The following NRXN3 variants were observed in gnomAD, a reference collection of about 807,000 sequenced individuals.
NRXN3 encodes the protein neurexin III.
NRXN3 carries 32 observed loss-of-function variants against 137.6 expected under a neutral mutation model. The ratio of observed to expected loss-of-function variants is 0.23; its 90% confidence interval spans 0.18 to 0.31. The LOEUF (loss-of-function observed/expected upper bound fraction) is 0.31. Among genes scored for constraint, NRXN3 ranks in the 10% least tolerant of loss-of-function variants. The probability of loss-of-function intolerance (pLI) is 1.00; values close to 1 mark genes in which losing one functional copy is unlikely to be tolerated. For missense variants in NRXN3, 1,574 were observed against 2,062.5 expected (o/e 0.76, Z 4.59); for synonymous variants, 798 against 784.5 (o/e 1.02, Z -0.29).
At chr14:79,151,401 A>T (rs548303427) in intron 15 of NRXN3, among the ~76,000 whole-genome samples, 1 of 152,186 alleles carries the variant, frequency 6.6e-6, no homozygotes, top group African/African-American at 2.4e-5. Context: ...CAAAAACCAT[A>T]GCAAGTATGG....
chr14:78,836,124 C>A (rs1250085782), intron 10 of NRXN3, among the ~76,000 whole-genome samples: 3 of 152,038 alleles, frequency 2.0e-5, no homozygotes, highest in African/African-American at 7.3e-5. Flanking sequence ...TCATCTAAAA[C>A]CCATAAATAT....
At chr14:78,806,062 T>TTTTC (rs1555504287) in intron 9 of NRXN3, among the ~76,000 whole-genome samples, 1 of 138,008 alleles carries the variant, frequency 7.2e-6, no homozygotes, top group African/African-American at 2.6e-5. Context: ...TTTTTTTTTT[T>TTTTC]CCCCTTTGGC....
chr14:78,305,122 A>G (rs2077230977), intron 4 of NRXN3, among the ~76,000 whole-genome samples: 1 of 152,156 alleles, frequency 6.6e-6, no homozygotes, highest in Non-Finnish European at 1.5e-5. Context: ...TCAGTTACCA[A>G]GAATCCTTCC....
chr14:79,364,656 A>G (rs900812775), intron 15 of NRXN3, among the ~76,000 whole-genome samples: 3 of 93,246 alleles, frequency 3.2e-5, no homozygotes, highest in Admixed American at 1.3e-4. Context: ...CAATGAATCA[A>G]TTAGGTAAAA....
rs2099418667 is a variant in NRXN3 at position 79,867,917 on chromosome 14, G to C, written c.*5953G>C. 6.6e-6 allele frequency: 1 copy of C among 151,422 alleles called. No homozygotes were observed. Among genetic ancestry groups the C allele is most frequent in the African/African-American group, 2.4e-5 (1 of 41,144 alleles). The allele number at this position is 151,422 out of a possible 1,614,324, so 9.4% of individuals were successfully genotyped here. On this transcript the variant is annotated 3_prime_UTR_variant, in exon 21 of 21. Coordinates refer to ENST00000335750, the MANE Select transcript of NRXN3 (RefSeq NM_001330195.2). ...TAAAAGCAATGCATGCTCAGATCTT[G>C]GGAGATGTATTAAATGAGTAGAGTG...
At chr14:79,775,553 G>GAAAA (rs749252781) in intron 19 of NRXN3, among the ~76,000 whole-genome samples, 4 of 69,014 alleles carry the variant, frequency 5.8e-5, no homozygotes, top group African/African-American at 1.5e-4. Flanking sequence ...GGCTCTAACC[G>GAAAA]AAAAAAAAAA....
At chr14:79,169,639 T>C (rs1423824611) in intron 15 of NRXN3, among the ~76,000 whole-genome samples, 1 of 152,166 alleles carries the variant, frequency 6.6e-6, no homozygotes, top group Non-Finnish European at 1.5e-5. Flanking sequence ...CATCTGGAAT[T>C]GAGTTCTGTA....
intron 4 of NRXN3, among the ~76,000 whole-genome samples, chr14:78,449,147 A>G (rs1030899919): frequency 1.3e-5 from 2 of 151,848 alleles, no homozygotes; most frequent in Non-Finnish European, 2.9e-5. Flanking sequence ...CAGGAACAGC[A>G]CCTCTCTCTG....
At chr14:78,276,025 T>C (rs976525203) in intron 2 of NRXN3, among the ~76,000 whole-genome samples, 1 of 152,180 alleles carries the variant, frequency 6.6e-6, no homozygotes, top group Non-Finnish European at 1.5e-5. Context: ...ATAATGTGTC[T>C]CTATTCCTAA....
intron 16 of NRXN3, among the ~76,000 whole-genome samples, chr14:79,507,256 T>G (rs1470127907): frequency 6.6e-6 from 1 of 152,216 alleles, no homozygotes; most frequent in Non-Finnish European, 1.5e-5. Context: ...GCTTTTCTTT[T>G]CAAGGCACTT....
chr14:79,567,944 A>G (rs893012935), intron 16 of NRXN3, among the ~76,000 whole-genome samples: 1 of 152,142 alleles, frequency 6.6e-6, no homozygotes, highest in Non-Finnish European at 1.5e-5. Context: ...AAATCACAGC[A>G]CTTAGGGGCT....
In NRXN3 at chr14:78,808,037, G is replaced by GCACACA. The variant is rs368948340; in HGVS notation, c.2249-2274_2249-2269dup. On this transcript the variant is annotated intron_variant, in intron 9 of 20. Transcript: ENST00000335750. ...TGTGTGCGTGTGTCTATATACACAC[G>GCACACA]CACACACACACATATTTATACATAT... 3.3e-5 allele frequency among the ~76,000 whole-genome samples: 5 copies of GCACACA among 150,956 alleles called. No individual in the cohort carries two copies. In the South Asian group the frequency reaches 1.1e-3, roughly 32 times the overall value.
intron 15 of NRXN3, among the ~76,000 whole-genome samples, chr14:79,167,341 T>C (rs531742138): frequency 6.6e-6 from 1 of 151,952 alleles, no homozygotes; most frequent in Non-Finnish European, 1.5e-5. Context: ...GTTAGTGTGA[T>C]TGGGGTAAGG....
intron 15 of NRXN3, among the ~76,000 whole-genome samples, chr14:79,174,141 G>A (rs1054317731): frequency 1.3e-5 from 2 of 152,076 alleles, no homozygotes; most frequent in African/African-American, 4.8e-5. Context: ...CAGAAAGGTG[G>A]CTAGCAGTGC....
intron 16 of NRXN3, among the ~76,000 whole-genome samples, chr14:79,619,741 C>T (rs1034767517): frequency 1.3e-5 from 2 of 151,878 alleles, no homozygotes; most frequent in African/African-American, 4.8e-5. Context: ...TTGTAGGTTC[C>T]TAAGAGATAC....
intron 16 of NRXN3, among the ~76,000 whole-genome samples, chr14:79,617,930 A>AAAAAAAAAAAAAAAAAAAG (rs1385000688): frequency 6.7e-5 from 10 of 148,734 alleles, no homozygotes; most frequent in African/African-American, 2.6e-4. Flanking sequence ...AAAAAAAAAA[A>AAAAAAAAAAAAAAAAAAAG]AACATGCTTA....
At chr14:79,596,048 T>G (rs940888494) in intron 16 of NRXN3, among the ~76,000 whole-genome samples, 12 of 136,284 alleles carry the variant, frequency 8.8e-5, no homozygotes, top group African/African-American at 2.8e-4. Flanking sequence ...TTGGGATGGG[T>G]TTTTTTTTTT....
intron 15 of NRXN3, among the ~76,000 whole-genome samples, chr14:79,354,065 G>A (rs893357411): frequency 3.9e-5 from 6 of 152,040 alleles, no homozygotes; most frequent in African/African-American, 1.2e-4. Context: ...AATGTTTTCC[G>A]ACCCTAAGTG....
chr14:79,402,809 G>A (rs1230858104), intron 15 of NRXN3, among the ~76,000 whole-genome samples: 1 of 152,162 alleles, frequency 6.6e-6, no homozygotes, highest in Non-Finnish European at 1.5e-5. Flanking sequence ...GGTGCTGTGT[G>A]CTATGCTAGG....
Sources: gnomAD v4.1 joint callset for allele counts (sites outside exome capture counted in the v4.1 genomes callset) on GRCh38, gnomAD v4.1.1 for gene constraint, MANE v1.5 for transcripts, NCBI Gene and HGNC (gene_info 2026-07-23, HGNC 2026-07-21) for gene names.